The following PRKN variants were observed in gnomAD, a reference collection of about 807,000 sequenced individuals.
PRKN encodes the protein parkin RBR E3 ubiquitin protein ligase.
Under a neutral mutation model 59.5 loss-of-function variants are expected in PRKN, and 56 were observed. That is an observed-to-expected ratio of 0.94 (90% CI 0.76 to 1.18). The LOEUF is 1.18. Ranked by LOEUF, PRKN falls within the 50% of genes most tolerant of loss-of-function variation. PRKN has a pLI of 0.00. For missense variants in PRKN, 657 were observed against 596.4 expected, an observed-to-expected ratio of 1.10 and a Z score of -1.06; for synonymous variants, 250 against 222.1, an observed-to-expected ratio of 1.13 and a Z score of -1.12.
At chr6:162,042,382 C>T (rs893525496) in intron 5 of PRKN, among the ~76,000 whole-genome samples, 1 of 152,036 alleles carries the variant, frequency 6.6e-6, no homozygotes, top group African/African-American at 2.4e-5. Flanking sequence ...AACTCCACCT[C>T]CGGGGCTAAA....
chr6:161,495,957 C>T (rs766764477), intron 9 of PRKN, among the ~76,000 whole-genome samples: 36 of 152,248 alleles, frequency 2.4e-4, no homozygotes, highest in East Asian at 1.2e-3. Flanking sequence ...TCTCAGCATC[C>T]GTGCACAGGG....
chr6:162,483,946 T>C (rs1329222903), intron 1 of PRKN, among the ~76,000 whole-genome samples: 1 of 152,176 alleles, frequency 6.6e-6, no homozygotes, highest in East Asian at 1.9e-4. Context: ...TACCATACAT[T>C]CTTGAAAAAT....
chr6:162,407,082 A>G (rs1010269334), intron 2 of PRKN, among the ~76,000 whole-genome samples: 1 of 152,100 alleles, frequency 6.6e-6, no homozygotes, highest in Non-Finnish European at 1.5e-5. Context: ...TTATATTCCC[A>G]GGCAGACTTT....
At chr6:162,552,041 G>A (rs1779350788) in intron 1 of PRKN, among the ~76,000 whole-genome samples, 1 of 152,184 alleles carries the variant, frequency 6.6e-6, no homozygotes. Context: ...ATAAATCAGA[G>A]ATGAGATTTA....
At chr6:161,501,628 C>G (rs1475255457) in intron 9 of PRKN, among the ~76,000 whole-genome samples, 1 of 152,086 alleles carries the variant, frequency 6.6e-6, no homozygotes, top group Non-Finnish European at 1.5e-5. Context: ...TCACACCCAG[C>G]CCAGATGTTC....
At chr6:161,848,838 C>T (rs1055931897) in intron 6 of PRKN, among the ~76,000 whole-genome samples, 8 of 152,152 alleles carry the variant, frequency 5.3e-5, no homozygotes, top group African/African-American at 1.7e-4. Flanking sequence ...GAATTGAAAA[C>T]TAATTGGAAT....
At chr6:161,717,791 C>T (rs75267285) in intron 7 of PRKN, among the ~76,000 whole-genome samples, 5,087 of 152,240 alleles carry the variant, frequency 0.033, 78 homozygotes, top group African/African-American at 0.047. Context: ...GTGTGTCACG[C>T]CCGCGAGGGG....
At chr6:162,556,342 G>GGGGT (rs1175202893) in intron 1 of PRKN, among the ~76,000 whole-genome samples, 4,219 of 57,044 alleles carry the variant, frequency 0.074, 271 homozygotes, top group Non-Finnish European at 0.098. Context: ...CTACTCAGCT[G>GGGGT]GTGTGTGTGT....
chr6:161,900,192 T>C (rs553101953), intron 6 of PRKN, among the ~76,000 whole-genome samples: 1 of 151,576 alleles, frequency 6.6e-6, no homozygotes, highest in Non-Finnish European at 1.5e-5. Flanking sequence ...GCAGAATAAA[T>C]TTAAAGCTGA....
At chr6:162,685,369 C>T (rs1011860775) in intron 1 of PRKN, among the ~76,000 whole-genome samples, 7 of 152,194 alleles carry the variant, frequency 4.6e-5, no homozygotes, top group Middle Eastern at 3.4e-3. Flanking sequence ...AACTGTGCTA[C>T]TTCTTCAATA....
At chr6:162,252,524 C>G (rs1380771349) in intron 3 of PRKN, among the ~76,000 whole-genome samples, 1 of 152,186 alleles carries the variant, frequency 6.6e-6, no homozygotes, top group East Asian at 1.9e-4. Flanking sequence ...TGATGGCATT[C>G]AGACATAAGA....
intron 7 of PRKN, among the ~76,000 whole-genome samples, chr6:161,736,153 T>C (rs1209296954): frequency 6.6e-6 from 1 of 152,166 alleles, no homozygotes; most frequent in African/African-American, 2.4e-5. Context: ...GTACAATGTG[T>C]AAGGGACGTA....
At chr6:161,828,061 A>G (rs879634408) in intron 6 of PRKN, among the ~76,000 whole-genome samples, 2 of 152,214 alleles carry the variant, frequency 1.3e-5, no homozygotes, top group African/African-American at 2.4e-5. Flanking sequence ...CTTAGGAATA[A>G]AGGAATAAAA....
chr6:161,462,983 G>A lies in PRKN; in HGVS notation c.1084-76106C>T, dbSNP rs1790289880. Among the ~76,000 whole-genome samples the A allele has an allele frequency of 2.6e-5, 4 of 152,164 alleles. No homozygotes were observed. The highest frequency in any genetic ancestry group is 4.4e-5 in the Non-Finnish European group (3 of 68,010). Reference sequence around the variant, plus strand: ...GGCATGAAGATGTCAGAAGTTCTATGTATAGTAGACTGCAATGTACTGGAA... The same window carrying A: ...GGCATGAAGATGTCAGAAGTTCTATATATAGTAGACTGCAATGTACTGGAA... On this transcript the variant is annotated intron_variant, in intron 9 of 11. Transcript: ENST00000366898. This position sits in a 1 kb window ranked among gnomAD's most constrained non-coding sequence, Gnocchi z 4.5.
At chr6:162,450,345 TC>T (rs1790541996) in intron 1 of PRKN, among the ~76,000 whole-genome samples, 1 of 89,968 alleles carries the variant, frequency 1.1e-5, no homozygotes, top group African/African-American at 3.5e-5. Flanking sequence ...GTGATTGTAA[TC>T]CCCCTGTGAA....
intron 7 of PRKN, among the ~76,000 whole-genome samples, chr6:161,720,010 A>T (rs1787153474): frequency 6.6e-6 from 1 of 152,164 alleles, no homozygotes; most frequent in African/African-American, 2.4e-5. Flanking sequence ...CCCCGTTTGC[A>T]CTATGCTCCA....
chr6:162,559,168 G>T (rs991051313), intron 1 of PRKN, among the ~76,000 whole-genome samples: 5 of 105,162 alleles, frequency 4.8e-5, no homozygotes, highest in African/African-American at 1.8e-4. Context: ...AAAAAAAAAA[G>T]GCAATTGGTA....
In PRKN at chr6:161,526,881, T is replaced by C. The variant is rs142256053; in HGVS notation, c.1083+21973A>G. ...AGAAGGGGTAGGTAATTGGAGTTTATATAGAATCCCTGGGCTACAGAAAGG... is the reference window on the plus strand; with the variant it reads ...AGAAGGGGTAGGTAATTGGAGTTTACATAGAATCCCTGGGCTACAGAAAGG... On this transcript the variant is annotated intron_variant, in intron 9 of 11. Coordinates refer to ENST00000366898, the MANE Select transcript of PRKN (RefSeq NM_004562.3). This position sits in a 1 kb window ranked among gnomAD's most constrained non-coding sequence, Gnocchi z 4.1. Among the ~76,000 whole-genome samples the C allele has an allele frequency of 1.5e-3, 229 of 152,310 alleles. 2 individuals are homozygous for C. The highest frequency in any genetic ancestry group is 5.3e-3 in the African/African-American group (222 of 41,568).
At chr6:162,062,588 G>A (rs1324746668) in intron 4 of PRKN, among the ~76,000 whole-genome samples, 2 of 152,246 alleles carry the variant, frequency 1.3e-5, no homozygotes, top group Admixed American at 6.5e-5. Context: ...AAAAGCAGAC[G>A]AAAGGCCATG....
Sources: allele counts gnomAD v4.1 joint callset (sites outside exome capture counted in the v4.1 genomes callset), GRCh38; gene constraint gnomAD v4.1.1; non-coding constraint Gnocchi (gnomAD v3.1); transcripts MANE v1.5; gene names NCBI Gene and HGNC (gene_info 2026-07-23, HGNC 2026-07-21).